Variants in LDB2 observed in about 807,000 individuals in gnomAD.
LDB2 encodes the protein LIM domain binding 2.
LDB2 carries 12 observed loss-of-function variants against 44.3 expected under a neutral mutation model. The observed-to-expected ratio is 0.27, with a 90% CI of 0.17 to 0.44. LDB2 has a LOEUF of 0.44. Among genes scored for constraint, LDB2 ranks in the 20% least tolerant of loss-of-function variants. The pLI is 1.00. For synonymous variants in LDB2, 164 were observed against 174.8 expected (o/e 0.94, Z 0.49); for missense variants, 344 against 473.5 (o/e 0.73, Z 2.54).
chr4:16,689,782 G>A (rs532327725), intron 2 of LDB2, among the ~76,000 whole-genome samples: 1 of 152,304 alleles, frequency 6.6e-6, no homozygotes, highest in African/African-American at 2.4e-5. Context: ...GAATAATGAT[G>A]CATTCTGGTG....
At chr4:16,637,514 C>T (rs374634948) in intron 2 of LDB2, among the ~76,000 whole-genome samples, 2 of 151,928 alleles carry the variant, frequency 1.3e-5, no homozygotes, top group Non-Finnish European at 2.9e-5. Flanking sequence ...GGGCTGGCTA[C>T]GTGGTCAACC....
At chr4:16,725,529 C>T (rs1759254065) in intron 2 of LDB2, among the ~76,000 whole-genome samples, 1 of 152,056 alleles carries the variant, frequency 6.6e-6, no homozygotes, top group Non-Finnish European at 1.5e-5. Context: ...AACAATCAGC[C>T]CAAATTGGCC....
At chr4:16,804,449 A>T (rs540021981) in intron 1 of LDB2, among the ~76,000 whole-genome samples, 1 of 152,270 alleles carries the variant, frequency 6.6e-6, no homozygotes, top group South Asian at 2.1e-4. Context: ...TCTTGACATA[A>T]TTTTTTTAAT....
At chr4:16,712,761 T>C (rs1032668039) in intron 2 of LDB2, among the ~76,000 whole-genome samples, 6 of 152,176 alleles carry the variant, frequency 3.9e-5, no homozygotes, top group Admixed American at 3.9e-4. Flanking sequence ...CTAGTGGGAA[T>C]GTAAAATGGT....
chr4:16,548,052 A>C (rs1736383191), intron 5 of LDB2, among the ~76,000 whole-genome samples: 1 of 151,218 alleles, frequency 6.6e-6, no homozygotes, highest in Non-Finnish European at 1.5e-5. Flanking sequence ...TCTGCCTCCC[A>C]GGTTCAAGGG....
At chr4:16,645,742 C>A (rs929914823) in intron 2 of LDB2, among the ~76,000 whole-genome samples, 3 of 146,184 alleles carry the variant, frequency 2.1e-5, no homozygotes, top group Non-Finnish European at 3.1e-5. Flanking sequence ...AGGATTGTAG[C>A]TGATCACATG....
At chr4:16,555,907 C>T (rs1025468516) in intron 5 of LDB2, among the ~76,000 whole-genome samples, 3 of 152,226 alleles carry the variant, frequency 2.0e-5, no homozygotes, top group South Asian at 2.1e-4. Context: ...CCCTATCACC[C>T]CATGCTCCAG....
At position 16,828,524 on chromosome 4, in the gene LDB2, C is replaced by T. The variant is rs566376910; in HGVS notation, c.133-69264G>A. Among the ~76,000 whole-genome samples the T allele has an allele frequency of 2.0e-5, 3 of 152,260 alleles. No homozygotes were observed. The South Asian group carries it at 6.2e-4, about 32-fold the overall frequency. On this transcript the variant is annotated intron_variant, in intron 1 of 7. Coordinates refer to ENST00000304523, the MANE Select transcript of LDB2 (RefSeq NM_001290.5). ...GTGTCTGTGTTGGAGGTACACAGTC[C>T]ATGAGCACAGTTTCATCAGTGCTAG...
At chr4:16,787,846 A>G (rs1033261712) in intron 1 of LDB2, among the ~76,000 whole-genome samples, 3 of 152,334 alleles carry the variant, frequency 2.0e-5, no homozygotes, top group African/African-American at 2.4e-5. Flanking sequence ...AACAAAGCAC[A>G]TGGACACTGC....
intron 2 of LDB2, among the ~76,000 whole-genome samples, chr4:16,640,399 A>T (rs1377120713): frequency 6.6e-6 from 1 of 152,198 alleles, no homozygotes; most frequent in Non-Finnish European, 1.5e-5. Flanking sequence ...AGGACCTTCT[A>T]AGTTGCTGGG....
chr4:16,529,157 G>A (rs1465749756), intron 5 of LDB2, among the ~76,000 whole-genome samples: 1 of 152,124 alleles, frequency 6.6e-6, no homozygotes, highest in African/African-American at 2.4e-5. Flanking sequence ...GAAACCAGAG[G>A]GAATGAGTAA....
At chr4:16,885,936 T>C (rs2110473904) in intron 1 of LDB2, among the ~76,000 whole-genome samples, 1 of 152,276 alleles carries the variant, frequency 6.6e-6, no homozygotes, top group South Asian at 2.1e-4. Context: ...TTGTTAAGAA[T>C]ACTTAACTCT....
chr4:16,528,674 C>T (rs1360879573), intron 5 of LDB2, among the ~76,000 whole-genome samples: 1 of 152,184 alleles, frequency 6.6e-6, no homozygotes, highest in Non-Finnish European at 1.5e-5. Context: ...TGCCACCTGC[C>T]ACCAGAACCA....
At chr4:16,637,280 G>T (rs1282335448) in intron 2 of LDB2, among the ~76,000 whole-genome samples, 1 of 141,716 alleles carries the variant, frequency 7.1e-6, no homozygotes, top group Non-Finnish European at 1.5e-5. Context: ...ATGCTCTATG[G>T]AAGTTCTTGC....
At chr4:16,537,649 T>A (rs1001485384) in intron 5 of LDB2, among the ~76,000 whole-genome samples, 1 of 152,198 alleles carries the variant, frequency 6.6e-6, no homozygotes, top group Non-Finnish European at 1.5e-5. Context: ...AATTTAGTGC[T>A]CCTAATGTCC....
intron 1 of LDB2, among the ~76,000 whole-genome samples, chr4:16,862,970 C>T (rs16894105): frequency 0.019 from 2,946 of 152,226 alleles, 201 homozygotes; most frequent in Admixed American, 0.13. Flanking sequence ...TCAGAGTCAG[C>T]TGAGTAAGGG....
At chr4:16,565,707 G>C (rs1487344650) in intron 5 of LDB2, among the ~76,000 whole-genome samples, 7 of 151,762 alleles carry the variant, frequency 4.6e-5, no homozygotes, top group African/African-American at 9.7e-5. Flanking sequence ...ATTGTTATTT[G>C]AAAATGATAT....
chr4:16,855,119 G>C (rs1037203937), intron 1 of LDB2, among the ~76,000 whole-genome samples: 1 of 152,008 alleles, frequency 6.6e-6, no homozygotes, highest in Non-Finnish European at 1.5e-5. Flanking sequence ...AGTACTCTCC[G>C]AGATCATTTC....
At chr4:16,787,107 T>G (rs1774606172) in intron 1 of LDB2, among the ~76,000 whole-genome samples, 1 of 152,336 alleles carries the variant, frequency 6.6e-6, no homozygotes, top group African/African-American at 2.4e-5. Flanking sequence ...GTTTTGTTTT[T>G]TTGGCTGCAA....
Sources: allele counts gnomAD v4.1 joint callset (sites outside exome capture counted in the v4.1 genomes callset), GRCh38; gene constraint gnomAD v4.1.1; transcripts MANE v1.5; gene names NCBI Gene and HGNC (gene_info 2026-07-23, HGNC 2026-07-21).